The following RGS18 variants were observed in gnomAD, a reference collection of about 807,000 sequenced individuals.
The protein encoded by RGS18 is regulator of G protein signaling 18.
RGS18 carries 22 observed loss-of-function variants against 27.6 expected under a neutral mutation model. The observed-to-expected ratio is 0.80, with a 90% CI of 0.57 to 1.14. The LOEUF is 1.14. Among genes scored for constraint, RGS18 ranks in the 50% most tolerant of loss-of-function variants. The pLI, the probability that RGS18 is intolerant of heterozygous loss-of-function variation, is 0.00. For synonymous variants in RGS18, 89 were observed against 84.6 expected, an observed-to-expected ratio of 1.05 and a Z score of -0.29; for missense variants, 299 against 269.6, an observed-to-expected ratio of 1.11 and a Z score of -0.76.
At chr1:192,165,071 AT>A (rs986223080) in intron 3 of RGS18, among the ~76,000 whole-genome samples, 18 of 152,294 alleles carry the variant, frequency 1.2e-4, no homozygotes, top group Admixed American at 3.9e-4. Flanking sequence ...ATATCACTGA[AT>A]TATTTCCCCA....
intron 4 of RGS18, among the ~76,000 whole-genome samples, chr1:192,182,615 T>C (rs1656476159): frequency 6.6e-6 from 1 of 151,560 alleles, no homozygotes; most frequent in Admixed American, 6.6e-5. Flanking sequence ...TATTTATCCA[T>C]ACAAATGGAA....
At chr1:192,159,018 C>T (rs1252209378) in intron 1 of RGS18, among the ~76,000 whole-genome samples, 5 of 151,954 alleles carry the variant, frequency 3.3e-5, no homozygotes, top group Non-Finnish European at 5.9e-5. Flanking sequence ...ATCTCAAATA[C>T]TTGATTGTCG....
In RGS18 at chr1:192,184,617, TTTATG is replaced by T; in HGVS notation, c.*67_*71del. 1 of 1,461,098 alleles carries T rather than the reference TTTATG, an allele frequency of 6.8e-7. No individual in the cohort carries two copies. Among genetic ancestry groups the T allele is most frequent in the South Asian group, 1.2e-5 (1 of 81,746 alleles). 90.5% of individuals were successfully genotyped at this position (1,461,098 alleles called of 1,614,324 possible). The stretch of plus-strand genomic sequence containing the variant: ...ACATCTGCTTCTAACATATCGCATG[TTTATG>T]TTAAGATTTGGTCCCATCCTTTAAA... On this transcript the variant is annotated 3_prime_UTR_variant, in exon 5 of 5. Coordinates refer to ENST00000367460, the MANE Select transcript of RGS18 (RefSeq NM_130782.3).
intron 3 of RGS18, chr1:192,161,353 G>C (rs1202524007): frequency 6.6e-6 from 1 of 152,140 alleles, no homozygotes; most frequent in East Asian, 1.9e-4. Context: ...GCATGGCTTA[G>C]GAGGCAGGCT....
chr1:192,161,887 G>T (rs748300841), intron 3 of RGS18, among the ~76,000 whole-genome samples: 6 of 151,840 alleles, frequency 4.0e-5, no homozygotes, highest in African/African-American at 9.7e-5. Context: ...TTCCTTAATT[G>T]TCCAACTCTT....
chr1:192,180,802 G>A (rs189064133), intron 3 of RGS18, among the ~76,000 whole-genome samples: 4 of 151,758 alleles, frequency 2.6e-5, no homozygotes, highest in Admixed American at 6.6e-5. Context: ...ATAAATACCA[G>A]TGAGTCAGTG....
chr1:192,181,672 A>C (rs1260943422), intron 4 of RGS18, among the ~76,000 whole-genome samples: 1 of 151,624 alleles, frequency 6.6e-6, no homozygotes, highest in East Asian at 1.9e-4. Context: ...ATATTCATCA[A>C]ATTAAACATT....
intron 3 of RGS18, chr1:192,168,882 G>A (rs564246772): frequency 2.6e-5 from 4 of 152,150 alleles, no homozygotes; most frequent in Admixed American, 1.3e-4. Context: ...CTCTTTGAAC[G>A]TCAACTTCTT....
rs868020301 is a variant in RGS18 at position 192,184,489 on chromosome 1, C to G, written c.643C>G (p.Arg215Gly). The G allele has an allele frequency of 2.0e-5, 32 of 1,611,328 alleles. No individual in the cohort carries two copies. The highest frequency in any genetic ancestry group is 2.6e-5 in the Non-Finnish European group (31 of 1,178,256). Residue 215 changes from arginine to glycine, a missense_variant, in exon 5 of 5, where the codon CGA becomes GGA. Transcript: ENST00000367460. ...RPQRPTNLRRRSRSFTCNEFQ... is the reference protein window; with the variant it reads ...RPQRPTNLRRGSRSFTCNEFQ... The stretch of plus-strand genomic sequence containing the variant: ...TCAGAGACCAACAAATCTTAGGAGA[C>G]GATCACGCTCATTTACCTGCAATGA...
chr1:192,158,554 A>G lies in RGS18; in HGVS notation c.-84A>G, dbSNP rs928702330. The G allele has an allele frequency of 8.5e-7, 1 of 1,181,460 alleles. No individual in the cohort carries two copies. The highest frequency in any genetic ancestry group is 1.1e-6 in the Non-Finnish European group (1 of 890,962). 73.2% of individuals were successfully genotyped at this position (1,181,460 alleles called of 1,614,324 possible). A position where few individuals can be genotyped will look rare whatever the true frequency, so the allele number is the denominator to read the frequency against. On this transcript the variant is annotated 5_prime_UTR_variant, in exon 1 of 5. Coordinates refer to ENST00000367460, the MANE Select transcript of RGS18 (RefSeq NM_130782.3). ...AAGAGTTGTGATAACTTTTTATTCT[A>G]CTATGTATATGTATGGAATAGTATT...
At chr1:192,171,853 G>T (rs113657870) in intron 3 of RGS18, among the ~76,000 whole-genome samples, 80 of 152,066 alleles carry the variant, frequency 5.3e-4, no homozygotes, top group African/African-American at 1.6e-3. Flanking sequence ...GGATTGTATT[G>T]GTTTCCTGTT....
intron 4 of RGS18, among the ~76,000 whole-genome samples, chr1:192,182,902 G>A (rs1304350684): frequency 6.6e-6 from 1 of 151,418 alleles, no homozygotes; most frequent in Non-Finnish European, 1.5e-5. Context: ...ATACTTTAAA[G>A]ACAGGTTAAA....
In RGS18 at chr1:192,184,280, T is replaced by C; in HGVS notation, c.451-17T>C. On this transcript the variant is annotated splice_polypyrimidine_tract_variant and intron_variant, in intron 4 of 4. Transcript: ENST00000367460. The stretch of plus-strand genomic sequence containing the variant: ...AAGCATATTAACTATAATCACACTT[T>C]TTTTCTGTTTATCCAGGTTAACCTT... 6.3e-7 allele frequency: 1 copy of C among 1,599,654 alleles called. No individual in the cohort carries two copies. The highest frequency in any genetic ancestry group is 8.6e-7 in the Non-Finnish European group (1 of 1,169,386).
At chr1:192,171,306 G>A (rs1344731465) in intron 3 of RGS18, among the ~76,000 whole-genome samples, 1 of 152,024 alleles carries the variant, frequency 6.6e-6, no homozygotes, top group East Asian at 1.9e-4. Flanking sequence ...AGTGGTCAGA[G>A]TTTGCCGACT....
At chr1:192,164,443 G>C (rs1378245545) in intron 3 of RGS18, among the ~76,000 whole-genome samples, 1 of 152,012 alleles carries the variant, frequency 6.6e-6, no homozygotes, top group Non-Finnish European at 1.5e-5. Flanking sequence ...AAATGATTCA[G>C]GGAGGTGTTC....
intron 3 of RGS18, among the ~76,000 whole-genome samples, chr1:192,164,989 C>G (rs562619151): frequency 6.6e-6 from 1 of 152,198 alleles, no homozygotes; most frequent in African/African-American, 2.4e-5. Context: ...GGGAGATAAC[C>G]ATTAGGTCTG....
At chr1:192,170,822 G>C (rs1440566554) in intron 3 of RGS18, among the ~76,000 whole-genome samples, 3 of 152,090 alleles carry the variant, frequency 2.0e-5, no homozygotes, top group African/African-American at 7.2e-5. Context: ...TAAGGCTCCA[G>C]GTTTACTTGA....
chr1:192,183,069 C>T (rs1048977535), intron 4 of RGS18, among the ~76,000 whole-genome samples: 9 of 151,394 alleles, frequency 5.9e-5, no homozygotes, highest in African/African-American at 1.9e-4. Context: ...GACTTGACTG[C>T]CCTAAAATAT....
chr1:192,160,731 A>T, intron 3 of RGS18: 1 of 338,996 alleles, frequency 2.9e-6, no homozygotes, highest in Non-Finnish European at 5.4e-6. Context: ...CTTCGGTTTT[A>T]TCAAATTCAT....
Sources: gnomAD v4.1 joint callset for allele counts (sites outside exome capture counted in the v4.1 genomes callset) on GRCh38, gnomAD v4.1.1 for gene constraint, MANE v1.5 for transcripts, NCBI Gene and HGNC (gene_info 2026-07-23, HGNC 2026-07-21) for gene names.